NFAM1: variants seen among roughly 807,000 people sequenced by gnomAD.
The protein encoded by NFAM1 is NFAT activating protein with ITAM motif 1.
NFAM1 carries 17 observed loss-of-function variants against 29.0 expected under a neutral mutation model. That is an observed-to-expected ratio of 0.59 (90% CI 0.40 to 0.88). NFAM1 has a LOEUF of 0.88. NFAM1 is among the 40% of genes least tolerant of loss of function. NFAM1 has a pLI of 0.00. For synonymous variants in NFAM1, 175 were observed against 147.2 expected, an observed-to-expected ratio of 1.19 and a Z score of -1.36; for missense variants, 324 against 344.6, an observed-to-expected ratio of 0.94 and a Z score of 0.47.
At chr22:42,416,436 T>C (rs757891811) in intron 1 of NFAM1, among the ~76,000 whole-genome samples, 1 of 152,162 alleles carries the variant, frequency 6.6e-6, no homozygotes, top group African/African-American at 2.4e-5. Flanking sequence ...GCTGGGAAGC[T>C]GTCATCAGAT....
chr22:42,406,085 C>T (rs935266836), intron 3 of NFAM1, among the ~76,000 whole-genome samples: 7 of 152,232 alleles, frequency 4.6e-5, no homozygotes, highest in South Asian at 2.1e-4. Context: ...GGCTCAGGCA[C>T]GCTCTGACCT....
chr22:42,392,063 G>A (rs773258542), intron 4 of NFAM1, among the ~76,000 whole-genome samples: 3 of 152,026 alleles, frequency 2.0e-5, no homozygotes, highest in Non-Finnish European at 2.9e-5. Flanking sequence ...ATATAAACTT[G>A]GGAGTTGTCA....
At chr22:42,433,026 C>T (rs1930857633), upstream of NFAM1, among the ~76,000 whole-genome samples, 1 of 152,150 alleles carries the variant, frequency 6.6e-6, no homozygotes, top group African/African-American at 2.4e-5. Context: ...CTGTGGCTGC[C>T]CTAAAGCTTA....
rs1930023565 is a variant in NFAM1, at chr22:42,409,852, G to A, written c.452-305C>T. ...CCTGAGCGAGATGTCTCCCCTCTCG[G>A]GGCCTCTTCTTTTCCCTGTGTGAGG... On this transcript the variant is annotated intron_variant, in intron 2 of 5. Transcript: ENST00000329021. The surrounding 1 kb of genome is among the most constrained non-coding windows in gnomAD (Gnocchi z 4.9). Among the ~76,000 whole-genome samples the A allele has an allele frequency of 1.3e-5, 2 of 152,166 alleles. No homozygotes were observed. Among genetic ancestry groups the A allele is most frequent in the Non-Finnish European group, 2.9e-5 (2 of 68,034 alleles).
chr22:42,436,079 C>A (rs1447112650), upstream of NFAM1, among the ~76,000 whole-genome samples: 1 of 152,174 alleles, frequency 6.6e-6, no homozygotes, highest in Admixed American at 6.5e-5. Flanking sequence ...CTTGGCCTCC[C>A]GAAGTGCTGG....
chr22:42,412,739 CCT>C (rs562845842), intron 1 of NFAM1, among the ~76,000 whole-genome samples: 143 of 152,332 alleles, frequency 9.4e-4, no homozygotes, highest in African/African-American at 3.3e-3. Flanking sequence ...GAGACACAAA[CCT>C]CTCCCGGACT....
At chr22:42,431,775 T>TCCCCCCCCCCCCCCCC (rs34684252) in intron 1 of NFAM1, among the ~76,000 whole-genome samples, 19 of 146,694 alleles carry the variant, frequency 1.3e-4, no homozygotes, top group South Asian at 2.2e-4. Context: ...GGCCCTGGTA[T>TCCCCCCCCCCCCCCCC]CCCCCCCTCC....
At chr22:42,435,747 C>A (rs577634846), upstream of NFAM1, among the ~76,000 whole-genome samples, 2 of 151,778 alleles carry the variant, frequency 1.3e-5, no homozygotes, top group Admixed American at 6.6e-5. Context: ...GCCCTCAAGG[C>A]GCTCCCTGTC....
At chr22:42,435,804 CT>C (rs1293073477), upstream of NFAM1, among the ~76,000 whole-genome samples, 5 of 148,690 alleles carry the variant, frequency 3.4e-5, no homozygotes, top group African/African-American at 1.3e-4. Flanking sequence ...CCAAGATTTC[CT>C]TTTCTTCTTC....
rs961251760 is a variant in NFAM1, at chr22:42,383,350, C to T, written c.*1811G>A. ...TTGCCCTGACCCTTGCCCCCACCTCCTTGGCTGGTGGAGCCAGGAGCCTGG... is the reference window on the plus strand; with the variant it reads ...TTGCCCTGACCCTTGCCCCCACCTCTTTGGCTGGTGGAGCCAGGAGCCTGG... On this transcript the variant is annotated 3_prime_UTR_variant, in exon 6 of 6. Transcript: ENST00000329021. 2 of 152,748 alleles carry T rather than the reference C, an allele frequency of 1.3e-5. No homozygotes were observed. The highest frequency in any genetic ancestry group is 2.4e-5 in the African/African-American group (1 of 41,456). The allele number at this position is 152,748 out of a possible 1,614,324, so 9.5% of individuals were successfully genotyped here. A position where few individuals can be genotyped will look rare whatever the true frequency, so the allele number is the denominator to read the frequency against.
At chr22:42,404,723 C>T (rs1395642171) in intron 3 of NFAM1, among the ~76,000 whole-genome samples, 2 of 152,014 alleles carry the variant, frequency 1.3e-5, no homozygotes, top group Non-Finnish European at 2.9e-5. Context: ...GGCGTGGTAT[C>T]GCACGTCTGT....
chr22:42,437,141 CTT>C (rs566611914), upstream of NFAM1: 452 of 154,798 alleles, frequency 2.9e-3, no homozygotes, highest in Non-Finnish European at 4.7e-3. Context: ...TTCTTTTTGT[CTT>C]TTTTTTTTTT....
chr22:42,428,079 A>C (rs1817281480), intron 1 of NFAM1, among the ~76,000 whole-genome samples: 1 of 152,160 alleles, frequency 6.6e-6, no homozygotes, highest in Admixed American at 6.5e-5. Flanking sequence ...ACCCGCTGGG[A>C]GTGTGCCCGG....
Position 42,384,860 on chromosome 22 carries a change from TG to T in NFAM1, c.*300del. On this transcript the variant is annotated 3_prime_UTR_variant, in exon 6 of 6. Coordinates refer to ENST00000329021, the MANE Select transcript of NFAM1 (RefSeq NM_145912.8). ...CAGTGAGCAGGGCTCTGGGCAAGGG[TG>T]GCATCCAGGAAAGCCCTTGAAGACT... The T allele has an allele frequency of 2.1e-6, 1 of 485,792 alleles. No individual in the cohort carries two copies. The highest frequency in any genetic ancestry group is 2.1e-5 in the South Asian group (1 of 46,826). 30.1% of individuals were successfully genotyped at this position (485,792 alleles called of 1,614,324 possible).
chr22:42,385,384 T>G (rs1284706325), intron 5 of NFAM1, among the ~76,000 whole-genome samples, 164 bp from the exon 6 acceptor site: 1 of 149,742 alleles, frequency 6.7e-6, no homozygotes, highest in Non-Finnish European at 1.5e-5. Flanking sequence ...CCCCAGCCTC[T>G]TCCCCCACCA....
rs1447141440 is a variant in NFAM1, at chr22:42,384,034, G to A, written c.*1127C>T. On this transcript the variant is annotated 3_prime_UTR_variant, in exon 6 of 6. Transcript: ENST00000329021. Reference sequence around the variant, plus strand: ...CAGGGCCAGGCACTGGGGAGCCACTGTCCCCATGGGGCTTGAGCTTCTGCC... The same window carrying A: ...CAGGGCCAGGCACTGGGGAGCCACTATCCCCATGGGGCTTGAGCTTCTGCC... 6.5e-6 allele frequency: 1 copy of A among 152,770 alleles called. No individual in the cohort carries two copies. Among genetic ancestry groups the A allele is most frequent in the African/African-American group, 2.4e-5 (1 of 41,434 alleles). 9.5% of individuals were successfully genotyped at this position (152,770 alleles called of 1,614,324 possible).
upstream of NFAM1, among the ~76,000 whole-genome samples, chr22:42,436,586 G>T (rs577899924): frequency 4.8e-4 from 73 of 152,348 alleles, no homozygotes; most frequent in African/African-American, 1.6e-3. Context: ...GGCTGCCCGG[G>T]CTGGAAGCCT....
chr22:42,403,839 T>G (rs1270666842), intron 3 of NFAM1, among the ~76,000 whole-genome samples: 1 of 151,326 alleles, frequency 6.6e-6, no homozygotes, highest in African/African-American at 2.4e-5. Flanking sequence ...GCAAAAGAGG[T>G]GTCAGGGAAG....
chr22:42,409,387 G>T lies in NFAM1; in HGVS notation c.564+48C>A. 2 of 1,050,422 alleles carry T rather than the reference G, an allele frequency of 1.9e-6. No individual in the cohort carries two copies. The highest frequency in any genetic ancestry group is 1.4e-6 in the Non-Finnish European group (1 of 739,988). The allele number at this position is 1,050,422 out of a possible 1,614,324, so 65.1% of individuals were successfully genotyped here. On this transcript the variant is annotated intron_variant, in intron 3 of 5. Coordinates refer to ENST00000329021, the MANE Select transcript of NFAM1 (RefSeq NM_145912.8). The surrounding 1 kb of genome is among the most constrained non-coding windows in gnomAD (Gnocchi z 4.9). Reference sequence around the variant, plus strand: ...TGCAGAGGGCAGGCGGGCAGCCGGTGGCGTGTCGGGTGGAGGGGCTGCATG... The same window carrying T: ...TGCAGAGGGCAGGCGGGCAGCCGGTTGCGTGTCGGGTGGAGGGGCTGCATG...
Sources: gnomAD v4.1 joint callset for allele counts (sites outside exome capture counted in the v4.1 genomes callset) on GRCh38, gnomAD v4.1.1 for gene constraint, Gnocchi (gnomAD v3.1) non-coding constraint, MANE v1.5 for transcripts, NCBI Gene and HGNC (gene_info 2026-07-23, HGNC 2026-07-21) for gene names.